The following ART1 variants were observed in gnomAD, a reference collection of about 807,000 sequenced individuals.
ART1 encodes the protein GPI-linked NAD(P)(+)--arginine ADP-ribosyltransferase 1.
ART1 carries 29 observed loss-of-function variants against 27.0 expected under a neutral mutation model. The ratio of observed to expected loss-of-function variants is 1.08; its 90% CI spans 0.80 to 1.47. The LOEUF is 1.47. ART1 is among the 40% of genes most tolerant of loss of function. The pLI, the probability that ART1 is intolerant of heterozygous loss-of-function variation, is 0.00. For synonymous variants in ART1, 201 were observed against 172.2 expected (o/e 1.17, Z -1.31); for missense variants, 480 against 423.0 (o/e 1.13, Z -1.18).
intron 4 of ART1, 105 bp from the exon 5 acceptor site, chr11:3,663,987 T>A: frequency 9.7e-7 from 1 of 1,028,308 alleles, no homozygotes; most frequent in Non-Finnish European, 1.4e-6. Flanking sequence ...ACTCTGCCAA[T>A]CTCTCCACCT....
At chr11:3,652,617 G>C (rs2077533557) in intron 1 of ART1, among the ~76,000 whole-genome samples, 1 of 152,110 alleles carries the variant, frequency 6.6e-6, no homozygotes, top group Non-Finnish European at 1.5e-5. Context: ...TTAGGCCCCA[G>C]TCTAATTCCA....
Position 3,659,277 on chromosome 11 carries a change from G to GT in ART1, c.63+2dup. 3.7e-6 allele frequency: 6 copies of GT among 1,614,142 alleles called. No individual in the cohort carries two copies. The highest frequency in any genetic ancestry group is 5.1e-6 in the Non-Finnish European group (6 of 1,180,036). On this transcript the variant is annotated splice_donor_variant, in intron 2 of 4. Transcript: ENST00000250693. LOFTEE classifies it high-confidence loss of function. ...TGTGGGCCTCATGGAAGCACTTCAG[G>GT]TATGGGCATCCCCCACTGTTCCCAC...
At chr11:3,657,596 A>T (rs546234017) in intron 1 of ART1, among the ~76,000 whole-genome samples, 1 of 152,200 alleles carries the variant, frequency 6.6e-6, no homozygotes, top group Non-Finnish European at 1.5e-5. Context: ...CAAAGTAGAT[A>T]CCATTTTTCC....
Position 3,655,028 on chromosome 11 carries a change from A to G in ART1, c.-52-4134A>G, listed in dbSNP as rs143133987. 2.9e-3 allele frequency among the ~76,000 whole-genome samples: 436 copies of G among 152,274 alleles called. No individual in the cohort carries two copies. The Middle Eastern group carries it at 0.041, about 14-fold the overall frequency. On this transcript the variant is annotated intron_variant, in intron 1 of 4. Coordinates refer to ENST00000250693, the MANE Select transcript of ART1 (RefSeq NM_004314.3). Reference sequence around the variant, plus strand: ...CACAAAATCTCAGTGGCAAACAAACATTTACTCCCAGGCTCATGGTCTTTG... The same window carrying G: ...CACAAAATCTCAGTGGCAAACAAACGTTTACTCCCAGGCTCATGGTCTTTG...
chr11:3,645,937 G>A (rs908956424), intron 1 of ART1, among the ~76,000 whole-genome samples: 5 of 152,124 alleles, frequency 3.3e-5, no homozygotes, highest in Non-Finnish European at 2.9e-5. Context: ...CACCTGCGAC[G>A]TTGTTCTGCA....
chr11:3,658,466 A>G (rs1423560708), intron 1 of ART1, among the ~76,000 whole-genome samples: 1 of 152,146 alleles, frequency 6.6e-6, no homozygotes, highest in Non-Finnish European at 1.5e-5. Flanking sequence ...AGGGTGTGGA[A>G]GGCTTGTGGT....
At chr11:3,652,008 C>G (rs1444029666) in intron 1 of ART1, among the ~76,000 whole-genome samples, 2 of 151,704 alleles carry the variant, frequency 1.3e-5, no homozygotes, top group African/African-American at 2.4e-5. Flanking sequence ...TAGAACCTCT[C>G]ATTTCCTTTC....
rs772081296 is a variant in ART1 at position 3,660,365 on chromosome 11, T to A, written c.844+2T>A. The A allele has an allele frequency of 1.3e-6, 2 of 1,596,020 alleles. No homozygotes were observed. Among genetic ancestry groups the A allele is most frequent in the Admixed American group, 3.3e-5 (2 of 59,802 alleles). Reference sequence around the variant, plus strand: ...CCTACAACTGCGAGTACATCAAAGGTAGGAGGGCAAGCGCTGGTCGGCACC... The same window carrying A: ...CCTACAACTGCGAGTACATCAAAGGAAGGAGGGCAAGCGCTGGTCGGCACC... On this transcript the variant is annotated splice_donor_variant, in intron 3 of 4. Coordinates refer to ENST00000250693, the MANE Select transcript of ART1 (RefSeq NM_004314.3). LOFTEE classifies it high-confidence loss of function.
rs2133963607 is a variant in ART1 at position 3,660,064 on chromosome 11, A to G, written c.545A>G (p.His182Arg). The part of the protein sequence containing the change: ...PRCHQVFRGV[H>R]GLRFRPAGPR... Reference sequence around the variant, plus strand: ...TGCCACCAGGTGTTCCGAGGTGTGCACGGCCTGCGCTTCCGGCCAGCAGGG... The same window carrying G: ...TGCCACCAGGTGTTCCGAGGTGTGCGCGGCCTGCGCTTCCGGCCAGCAGGG... Residue 182 changes from histidine (H) to arginine (R), a missense_variant, in exon 3 of 5, where the codon CAC (histidine) becomes CGC (arginine). Physicochemically the swap from His to Arg is conservative, Grantham distance 29 (BLOSUM62 0). Transcript: ENST00000250693. 1.2e-6 allele frequency: 2 copies of G among 1,613,556 alleles called. No homozygotes were observed. Among genetic ancestry groups the G allele is most frequent in the Non-Finnish European group, 1.7e-6 (2 of 1,179,934 alleles).
intron 1 of ART1, among the ~76,000 whole-genome samples, chr11:3,649,111 TCC>T (rs2077495418): frequency 6.6e-6 from 1 of 151,978 alleles, no homozygotes; most frequent in Non-Finnish European, 1.5e-5. Flanking sequence ...CTGAACCCCT[TCC>T]CTCCGTTTCT....
chr11:3,652,175 C>A (rs2077528532), intron 1 of ART1, among the ~76,000 whole-genome samples: 1 of 150,572 alleles, frequency 6.6e-6, no homozygotes, highest in African/African-American at 2.5e-5. Flanking sequence ...ACTCAACATG[C>A]CCTGAGTCAG....
At position 3,660,030 on chromosome 11, in the gene ART1, C is replaced by T. The variant is rs772551570; in HGVS notation, c.511C>T (p.Pro171Ser). The part of the protein sequence containing the change: ...ALQLLGSGQR[P>S]PRCHQVFRGV... ...GCAGCTCCTGGGCAGCGGCCAGCGT[C>T]CACCCCGGTGCCACCAGGTGTTCCG... The change falls in exon 3 of 5, where the codon CCA becomes TCA. Residue 171 changes from proline (P) to serine (S), a missense_variant. Pro to Ser is a moderately conservative substitution (Grantham distance 74). Transcript: ENST00000250693. The T allele has an allele frequency of 2.1e-5, 34 of 1,613,700 alleles. No homozygotes were observed. Among genetic ancestry groups the T allele is most frequent in the Non-Finnish European group, 2.8e-5 (33 of 1,179,940 alleles).
At chr11:3,646,414 A>G (rs2077470245) in intron 1 of ART1, among the ~76,000 whole-genome samples, 1 of 152,180 alleles carries the variant, frequency 6.6e-6, no homozygotes, top group Admixed American at 6.5e-5. Context: ...ATGGACACCC[A>G]GGGGACCATC....
Position 3,659,607 on chromosome 11 carries a change from C to A in ART1, c.88C>A (p.Arg30=). Residue 30 remains arginine, a synonymous_variant, in exon 3 of 5, where the codon CGA becomes AGA. Coordinates refer to ENST00000250693, the MANE Select transcript of ART1 (RefSeq NM_004314.3). ...LQAQSHPITR[R]DLFSQEIQLD... ...GGCCCAGAGCCACCCCATCACACGA[C>A]GAGACCTCTTCTCTCAAGAGATTCA... 6.2e-7 allele frequency: 1 copy of A among 1,608,150 alleles called. No homozygotes were observed. Among genetic ancestry groups the A allele is most frequent in the East Asian group, 2.2e-5 (1 of 44,856 alleles).
chr11:3,661,868 TG>T (rs1349813559), intron 4 of ART1, among the ~76,000 whole-genome samples: 1 of 152,168 alleles, frequency 6.6e-6, no homozygotes, highest in Admixed American at 6.5e-5. Flanking sequence ...AGTGGCACCT[TG>T]GGGGTTGCCA....
At chr11:3,648,887 C>G (rs2077490717) in intron 1 of ART1, among the ~76,000 whole-genome samples, 1 of 152,080 alleles carries the variant, frequency 6.6e-6, no homozygotes, top group African/African-American at 2.4e-5. Context: ...CCCTTAGCGG[C>G]AAGTCCCGCT....
Position 3,664,190 on chromosome 11 carries a change from T to G in ART1, c.*1T>G, listed in dbSNP as rs572751063. On this transcript the variant is annotated 3_prime_UTR_variant, in exon 5 of 5. Transcript: ENST00000250693. ...TCCAGATGGTCCAGGCCTCCTTTGA[T>G]GCATGAGACACGGGACAGCCTCGCC... 1 of 1,613,678 alleles carries G rather than the reference T, an allele frequency of 6.2e-7. No homozygotes were observed. Among genetic ancestry groups the G allele is most frequent in the East Asian group, 2.2e-5 (1 of 44,880 alleles).
intron 4 of ART1, among the ~76,000 whole-genome samples, chr11:3,663,142 A>ATC (rs773719879): frequency 2.8e-5 from 4 of 140,454 alleles, no homozygotes; most frequent in Admixed American, 1.5e-4. Context: ...ATCTCATCTC[A>ATC]TCATCATCTC....
intron 1 of ART1, among the ~76,000 whole-genome samples, chr11:3,654,881 C>T (rs888931211): frequency 2.0e-5 from 3 of 152,334 alleles, no homozygotes; most frequent in African/African-American, 7.2e-5. Flanking sequence ...CTCCTCCCCT[C>T]AAGCCTCTGA....
Sources: gnomAD v4.1 joint callset for allele counts (sites outside exome capture counted in the v4.1 genomes callset) on GRCh38, gnomAD v4.1.1 for gene constraint, MANE v1.5 for transcripts, NCBI Gene and HGNC (gene_info 2026-07-23, HGNC 2026-07-21) for gene names.